GPC6: variants seen among roughly 807,000 people sequenced by gnomAD.
GPC6 encodes glypican 6.
GPC6 carries 14 observed loss-of-function variants against 55.2 expected under a neutral mutation model. The observed-to-expected ratio is 0.25, with a 90% CI of 0.17 to 0.40. GPC6 has a LOEUF of 0.40. Ranked by LOEUF, GPC6 falls within the 10% of genes least tolerant of loss-of-function variation. The probability of loss-of-function intolerance (pLI) is 1.00; values close to 1 mark genes in which losing one functional copy is unlikely to be tolerated. For synonymous variants in GPC6, 278 were observed against 259.6 expected (o/e 1.07, Z -0.68); for missense variants, 641 against 708.5 (o/e 0.90, Z 1.08).
At chr13:93,277,639 A>G (rs1877802396) in intron 1 of GPC6, among the ~76,000 whole-genome samples, 1 of 152,198 alleles carries the variant, frequency 6.6e-6, no homozygotes, top group Non-Finnish European at 1.5e-5. Flanking sequence ...TCTGTGGACA[A>G]AGACAGTGGT....
chr13:93,761,678 A>T (rs938467748), intron 2 of GPC6, among the ~76,000 whole-genome samples: 13 of 152,054 alleles, frequency 8.5e-5, no homozygotes, highest in African/African-American at 3.1e-4. Context: ...CTAATTTTTT[A>T]AAATTATTGT....
chr13:94,246,697 T>C (rs1170010620), intron 4 of GPC6, among the ~76,000 whole-genome samples: 1 of 152,146 alleles, frequency 6.6e-6, no homozygotes, highest in Non-Finnish European at 1.5e-5. Context: ...CTGGTGTCTC[T>C]ATTCTGTTCC....
At chr13:93,393,125 TATAGAGAGAG>T (rs1231699052) in intron 1 of GPC6, among the ~76,000 whole-genome samples, 133 of 96,738 alleles carry the variant, frequency 1.4e-3, no homozygotes, top group Middle Eastern at 0.011. Context: ...TATATATATA[TATAGAGAGAG>T]AGAGAGAGAG....
At chr13:93,583,908 G>T (rs1317412228) in intron 2 of GPC6, among the ~76,000 whole-genome samples, 1 of 152,096 alleles carries the variant, frequency 6.6e-6, no homozygotes, top group African/African-American at 2.4e-5. Context: ...TCAACCACTG[G>T]AAAGAGAGAA....
chr13:93,548,849 T>A (rs758149585), intron 2 of GPC6, among the ~76,000 whole-genome samples: 75 of 152,208 alleles, frequency 4.9e-4, no homozygotes, highest in Non-Finnish European at 8.4e-4. Flanking sequence ...CATAGCTGTA[T>A]ATCTTTTTTA....
intron 1 of GPC6, among the ~76,000 whole-genome samples, chr13:93,514,438 A>G: frequency 6.6e-6 from 1 of 152,186 alleles, no homozygotes; most frequent in East Asian, 1.9e-4. Context: ...ATGGACTCCA[A>G]AAATGTTAGG....
intron 2 of GPC6, among the ~76,000 whole-genome samples, chr13:93,708,667 T>A (rs1438218768): frequency 2.6e-5 from 4 of 151,780 alleles, no homozygotes; most frequent in African/African-American, 9.7e-5. Context: ...TGGCAGACAT[T>A]CATTGGCACA....
At chr13:93,457,972 G>A (rs990990750) in intron 1 of GPC6, among the ~76,000 whole-genome samples, 1 of 152,152 alleles carries the variant, frequency 6.6e-6, no homozygotes, top group African/African-American at 2.4e-5. Flanking sequence ...CTCACTCAGG[G>A]AGGATTCATT....
At chr13:93,775,965 G>A (rs989963452) in intron 2 of GPC6, among the ~76,000 whole-genome samples, 1 of 151,912 alleles carries the variant, frequency 6.6e-6, no homozygotes, top group African/African-American at 2.4e-5. Flanking sequence ...ATGTAGTGCT[G>A]TAGCCAGCAA....
intron 2 of GPC6, among the ~76,000 whole-genome samples, chr13:93,813,594 G>A (rs1385206376): frequency 2.0e-5 from 3 of 151,938 alleles, no homozygotes; most frequent in African/African-American, 4.8e-5. Context: ...AAATAGTAAG[G>A]ATAATTAATT....
chr13:93,848,404 G>A (rs1171324844), intron 3 of GPC6, among the ~76,000 whole-genome samples: 1 of 151,836 alleles, frequency 6.6e-6, no homozygotes, highest in South Asian at 2.1e-4. Flanking sequence ...CCGTGCCTTG[G>A]TTTCTGCTGA....
At chr13:94,004,466 T>C (rs1594658956) in intron 3 of GPC6, among the ~76,000 whole-genome samples, 2 of 152,268 alleles carry the variant, frequency 1.3e-5, no homozygotes, top group East Asian at 1.9e-4. Context: ...GATTGGCAAA[T>C]TGACAAACAG....
intron 2 of GPC6, among the ~76,000 whole-genome samples, chr13:93,730,565 A>G (rs747776718): frequency 1.2e-4 from 19 of 152,222 alleles, no homozygotes; most frequent in South Asian, 4.1e-4. Flanking sequence ...TATTATAACT[A>G]ATTGGCCTAG....
At chr13:93,957,648 G>A (rs866950852) in intron 3 of GPC6, among the ~76,000 whole-genome samples, 2 of 152,082 alleles carry the variant, frequency 1.3e-5, no homozygotes, top group African/African-American at 2.4e-5. Context: ...AGGTTGATTT[G>A]ATGTCTTTGC....
chr13:94,123,728 AAG>A lies in GPC6; in HGVS notation c.877+95836_877+95837del, dbSNP rs555226516. Among the ~76,000 whole-genome samples, 188 of 152,120 alleles carry A rather than the reference AAG, an allele frequency of 1.2e-3. 1 individual carries two copies. Among genetic ancestry groups the A allele is most frequent in the African/African-American group, 4.2e-3 (176 of 41,532 alleles). On this transcript the variant is annotated intron_variant, in intron 4 of 8. Coordinates refer to ENST00000377047, the MANE Select transcript of GPC6 (RefSeq NM_005708.5). ...TTGAAAAGGGAGTGGGGGAGGGGGT[AAG>A]ATAGTTATAATGCATGTTGTGATTT...
intron 1 of GPC6, among the ~76,000 whole-genome samples, chr13:93,459,933 A>G (rs1878618260): frequency 6.6e-6 from 1 of 152,220 alleles, no homozygotes; most frequent in Non-Finnish European, 1.5e-5. Context: ...GGCAAGCCAC[A>G]TTGAGTTTTC....
chr13:94,113,216 C>T (rs1886313070), intron 4 of GPC6, among the ~76,000 whole-genome samples: 1 of 152,140 alleles, frequency 6.6e-6, no homozygotes, highest in African/African-American at 2.4e-5. Flanking sequence ...ACTTTTCAGC[C>T]ATAAAATGTT....
intron 3 of GPC6, among the ~76,000 whole-genome samples, chr13:93,836,580 T>A (rs1202573145): frequency 6.6e-6 from 1 of 152,210 alleles, no homozygotes; most frequent in Non-Finnish European, 1.5e-5. Context: ...TTCAATAATA[T>A]ACAGTGTTAT....
intron 1 of GPC6, among the ~76,000 whole-genome samples, chr13:93,437,557 T>G (rs1470034895): frequency 6.6e-6 from 1 of 152,194 alleles, no homozygotes; most frequent in Non-Finnish European, 1.5e-5. Context: ...CAACATTTCC[T>G]TCAGTCAAAT....
Sources: gnomAD v4.1 joint callset for allele counts (sites outside exome capture counted in the v4.1 genomes callset) on GRCh38, gnomAD v4.1.1 for gene constraint, MANE v1.5 for transcripts, NCBI Gene and HGNC (gene_info 2026-07-23, HGNC 2026-07-21) for gene names.